CNTN4: variants seen among roughly 807,000 people sequenced by gnomAD.
CNTN4 encodes contactin-4.
CNTN4 carries 77 observed loss-of-function variants against 122.5 expected under a neutral mutation model. The ratio of observed to expected loss-of-function variants is 0.63; its 90% CI spans 0.52 to 0.76. The LOEUF (loss-of-function observed/expected upper bound fraction) is 0.76, where lower values mean the gene tolerates loss of function less well. Among genes scored for constraint, CNTN4 ranks in the 30% least tolerant of loss-of-function variants. The pLI is 0.00. For synonymous variants in CNTN4, 512 were observed against 447.0 expected (o/e 1.15, Z -1.83); for missense variants, 1,256 against 1,259.1 (o/e 1.00, Z 0.04).
At chr3:2,450,772 C>A (rs1279314821) in intron 3 of CNTN4, among the ~76,000 whole-genome samples, 1 of 152,124 alleles carries the variant, frequency 6.6e-6, no homozygotes, top group Non-Finnish European at 1.5e-5. Flanking sequence ...TAACTTGTCC[C>A]CAAGAAGAGT....
chr3:2,349,636 T>G (rs548941305), intron 3 of CNTN4, among the ~76,000 whole-genome samples: 26 of 152,332 alleles, frequency 1.7e-4, no homozygotes, highest in Non-Finnish European at 2.9e-4. Flanking sequence ...TACATTTGTT[T>G]GAACTTGTAG....
chr3:2,300,291 C>G (rs2042456234), intron 2 of CNTN4, among the ~76,000 whole-genome samples: 1 of 152,046 alleles, frequency 6.6e-6, no homozygotes, highest in Non-Finnish European at 1.5e-5. Context: ...TTTCAACTGG[C>G]AATTTAATAA....
At chr3:2,675,054 A>G (rs755046775) in intron 4 of CNTN4, among the ~76,000 whole-genome samples, 8 of 152,224 alleles carry the variant, frequency 5.3e-5, no homozygotes, top group Non-Finnish European at 1.0e-4. Context: ...GACAAATGGA[A>G]TTATGTGAAG....
At chr3:2,542,269 A>G (rs1227242224) in intron 3 of CNTN4, among the ~76,000 whole-genome samples, 1 of 152,152 alleles carries the variant, frequency 6.6e-6, no homozygotes, top group Non-Finnish European at 1.5e-5. Flanking sequence ...CTCCTGGATA[A>G]ATAAGAAGCC....
chr3:2,297,017 C>G (rs1018176441), intron 2 of CNTN4, among the ~76,000 whole-genome samples: 1 of 152,098 alleles, frequency 6.6e-6, no homozygotes, highest in African/African-American at 2.4e-5. Flanking sequence ...TTTCTTCAGG[C>G]CTTTGATCAT....
chr3:2,732,691 G>A (rs931085725), intron 4 of CNTN4, among the ~76,000 whole-genome samples: 5 of 151,970 alleles, frequency 3.3e-5, no homozygotes, highest in Non-Finnish European at 5.9e-5. Flanking sequence ...TCTCACCCAG[G>A]CACCTCAAGG....
chr3:2,647,739 C>G (rs2083192491), intron 4 of CNTN4, among the ~76,000 whole-genome samples: 1 of 152,064 alleles, frequency 6.6e-6, no homozygotes, highest in South Asian at 2.1e-4. Context: ...CAAACTAAGA[C>G]AGGATAGGGA....
chr3:2,498,714 T>C (rs2148984980), intron 3 of CNTN4, among the ~76,000 whole-genome samples: 1 of 152,212 alleles, frequency 6.6e-6, no homozygotes, highest in African/African-American at 2.4e-5. Context: ...ACTCTTGGAC[T>C]CAAGAGATCC....
intron 3 of CNTN4, among the ~76,000 whole-genome samples, chr3:2,437,585 A>T (rs2048300065): frequency 6.6e-6 from 1 of 152,236 alleles, no homozygotes. Flanking sequence ...TAAAAATTTT[A>T]ACATGCAAAA....
chr3:2,909,735 G>A (rs532898587), intron 12 of CNTN4, among the ~76,000 whole-genome samples: 21 of 152,216 alleles, frequency 1.4e-4, no homozygotes, highest in Non-Finnish European at 2.9e-4. Flanking sequence ...AGGCTTTATC[G>A]TGCATCACAG....
chr3:2,804,310 T>G (rs1576856168), intron 6 of CNTN4, among the ~76,000 whole-genome samples: 1 of 152,060 alleles, frequency 6.6e-6, no homozygotes, highest in East Asian at 1.9e-4. Context: ...TGTCACACAA[T>G]AAAAAATTTA....
chr3:2,121,359 G>A (rs1399788344), intron 2 of CNTN4, among the ~76,000 whole-genome samples: 1 of 152,096 alleles, frequency 6.6e-6, no homozygotes, highest in Non-Finnish European at 1.5e-5. Context: ...TTAGCCCGAT[G>A]TGGTGGCACG....
chr3:2,325,281 T>A (rs1435933149), intron 2 of CNTN4, among the ~76,000 whole-genome samples: 1 of 152,224 alleles, frequency 6.6e-6, no homozygotes, highest in East Asian at 1.9e-4. Flanking sequence ...GCTATCCTCC[T>A]CATTATTTTT....
intron 2 of CNTN4, among the ~76,000 whole-genome samples, chr3:2,306,583 G>C (rs971929266): frequency 6.6e-6 from 1 of 151,886 alleles, no homozygotes; most frequent in Non-Finnish European, 1.5e-5. Flanking sequence ...TTTTTTTCAG[G>C]ATGTTTCAGT....
chr3:2,632,394 T>C (rs532586350), intron 4 of CNTN4, among the ~76,000 whole-genome samples: 30 of 152,296 alleles, frequency 2.0e-4, no homozygotes, highest in African/African-American at 6.7e-4. Context: ...TGTTTTTCAG[T>C]TGAGCATTAG....
chr3:2,476,085 A>G (rs2075826489), intron 3 of CNTN4, among the ~76,000 whole-genome samples: 1 of 152,218 alleles, frequency 6.6e-6, no homozygotes, highest in Admixed American at 6.5e-5. Flanking sequence ...CAAAAAATTA[A>G]TATCCCTTTT....
At chr3:2,678,970 T>C (rs979205181) in intron 4 of CNTN4, among the ~76,000 whole-genome samples, 3 of 152,178 alleles carry the variant, frequency 2.0e-5, no homozygotes, top group African/African-American at 7.2e-5. Flanking sequence ...TACATTAAAC[T>C]GAAAAAGTGC....
At chr3:2,521,284 C>T (rs2077203042) in intron 3 of CNTN4, among the ~76,000 whole-genome samples, 1 of 151,864 alleles carries the variant, frequency 6.6e-6, no homozygotes, top group African/African-American at 2.4e-5. Flanking sequence ...GGCCATCCAG[C>T]TACTGAAGCA....
chr3:2,782,147 A>C (rs1223441447), intron 6 of CNTN4, among the ~76,000 whole-genome samples: 1 of 151,966 alleles, frequency 6.6e-6, no homozygotes, highest in African/African-American at 2.4e-5. Context: ...TATCAGACTG[A>C]AGTCTGTGTT....
Sources: gnomAD v4.1 joint callset for allele counts (sites outside exome capture counted in the v4.1 genomes callset) on GRCh38, gnomAD v4.1.1 for gene constraint, MANE v1.5 for transcripts, NCBI Gene and HGNC (gene_info 2026-07-23, HGNC 2026-07-21) for gene names.